The following ASH1L variants were observed in gnomAD, a reference collection of about 807,000 sequenced individuals.
The protein encoded by ASH1L is histone-lysine N-methyltransferase ASH1L.
In ASH1L, 23 loss-of-function variants were observed where a neutral mutation model predicts 269.0. The ratio of observed to expected loss-of-function variants is 0.09; its 90% CI spans 0.06 to 0.12. The LOEUF (loss-of-function observed/expected upper bound fraction) is 0.12, where lower values mean the gene tolerates loss of function less well. ASH1L is among the 10% of genes least tolerant of loss of function. The pLI is 1.00. For missense variants in ASH1L, 2,912 were observed against 3,567.8 expected (o/e 0.82, Z 4.68); for synonymous variants, 1,187 against 1,253.5 (o/e 0.95, Z 1.12).
At chr1:155,530,236 C>G (rs930193324) in intron 1 of ASH1L, among the ~76,000 whole-genome samples, 1 of 152,116 alleles carries the variant, frequency 6.6e-6, no homozygotes, top group Non-Finnish European at 1.5e-5. Context: ...CTCTTCTTAC[C>G]ACCTGGTGTA....
At chr1:155,369,994 C>G (rs971453690) in intron 12 of ASH1L, among the ~76,000 whole-genome samples, 1 of 152,178 alleles carries the variant, frequency 6.6e-6, no homozygotes, top group African/African-American at 2.4e-5. Context: ...GTCTCAAACT[C>G]TTGACCTCGT....
intron 10 of ASH1L, among the ~76,000 whole-genome samples, chr1:155,376,078 T>C (rs1656413004): frequency 6.6e-6 from 1 of 152,252 alleles, no homozygotes. Context: ...CACTCCAGCC[T>C]GGGCAACAGA....
intron 24 of ASH1L, chr1:155,342,987 T>A (rs1337074152): frequency 5.2e-6 from 1 of 193,512 alleles, no homozygotes; most frequent in African/African-American, 2.3e-5. Context: ...GGGTGGGCAA[T>A]GAACAGGAGA....
intron 2 of ASH1L, among the ~76,000 whole-genome samples, chr1:155,499,715 T>C (rs1204132722): frequency 6.6e-6 from 1 of 152,154 alleles, no homozygotes; most frequent in Non-Finnish European, 1.5e-5. Context: ...ATCATTAAAA[T>C]GAAATCAAAG....
At chr1:155,524,521 CAAAA>C (rs749990170) in intron 1 of ASH1L, among the ~76,000 whole-genome samples, 5 of 57,276 alleles carry the variant, frequency 8.7e-5, no homozygotes, top group Admixed American at 2.1e-4. Flanking sequence ...GACTCCGTCT[CAAAA>C]AAAAAAAAAA....
chr1:155,383,424 T>C (rs1044316096), intron 7 of ASH1L, among the ~76,000 whole-genome samples: 2 of 152,212 alleles, frequency 1.3e-5, no homozygotes, highest in Admixed American at 1.3e-4. Flanking sequence ...ATCCTTTATA[T>C]TGTATTTTTA....
chr1:155,358,456 C>A (rs893409113), intron 13 of ASH1L, among the ~76,000 whole-genome samples: 5 of 151,644 alleles, frequency 3.3e-5, no homozygotes, highest in Non-Finnish European at 5.9e-5. Flanking sequence ...GAGGCCAAGG[C>A]GGGCGGATCA....
intron 6 of ASH1L, among the ~76,000 whole-genome samples, chr1:155,413,652 C>T (rs1287487524): frequency 6.6e-6 from 1 of 152,026 alleles, no homozygotes; most frequent in Non-Finnish European, 1.5e-5. Context: ...AAGGAGCATG[C>T]TTTTCCTCCT....
rs1570932871 is a variant in ASH1L, at chr1:155,338,324, T to C, written c.8568A>G (p.Leu2856=). The change falls in exon 27 of 28, where the codon CTA becomes CTG. Residue 2856 remains leucine (L), a synonymous_variant. Transcript: ENST00000392403. ...LKDLGQEDDA[L]PLIEEVLASQ... Reference sequence around the variant, plus strand: ...TGGCTAGAACCTCTTCAATCAAGGGTAGAGCATCATCCTCCTGGCCCAAGT... The same window carrying C: ...TGGCTAGAACCTCTTCAATCAAGGGCAGAGCATCATCCTCCTGGCCCAAGT... 2 of 1,613,812 alleles carry C rather than the reference T, an allele frequency of 1.2e-6. No homozygotes were observed. Among genetic ancestry groups the C allele is most frequent in the South Asian group, 2.2e-5 (2 of 91,068 alleles).
In ASH1L at chr1:155,472,955, A is replaced by G. The variant is rs1036843210; in HGVS notation, c.4984+4931T>C. On this transcript the variant is annotated intron_variant, in intron 3 of 27. Coordinates refer to ENST00000392403, the MANE Select transcript of ASH1L (RefSeq NM_018489.3). The stretch of plus-strand genomic sequence containing the variant: ...TCACTCCCTATTCTCTCCCAAGGAA[A>G]ATATCATTACTCTCATGATTATACA... Among the ~76,000 whole-genome samples, 4 of 152,278 alleles carry G rather than the reference A, an allele frequency of 2.6e-5. No individual in the cohort carries two copies. In the South Asian group the frequency reaches 8.3e-4, roughly 32 times the overall value.
intron 4 of ASH1L, among the ~76,000 whole-genome samples, chr1:155,439,806 A>G (rs2148622782): frequency 6.6e-6 from 1 of 152,090 alleles, no homozygotes; most frequent in South Asian, 2.1e-4. Flanking sequence ...TTTCTTATCT[A>G]TATGACTTTT....
intron 2 of ASH1L, among the ~76,000 whole-genome samples, chr1:155,495,114 C>T (rs1013481950): frequency 6.6e-6 from 1 of 152,070 alleles, no homozygotes; most frequent in Non-Finnish European, 1.5e-5. Context: ...GAGCAAAAAC[C>T]TGGTTGAAAT....
intron 1 of ASH1L, among the ~76,000 whole-genome samples, chr1:155,557,301 C>T (rs982400849): frequency 6.6e-6 from 1 of 151,734 alleles, no homozygotes; most frequent in African/African-American, 2.4e-5. Context: ...CTCGCTCTGT[C>T]ACCCAGGCTG....
chr1:155,453,187 C>T (rs1415895087), intron 4 of ASH1L, among the ~76,000 whole-genome samples: 2 of 151,662 alleles, frequency 1.3e-5, no homozygotes, highest in Admixed American at 6.6e-5. Context: ...AAACCCTGTC[C>T]CTACTAAAAA....
intron 24 of ASH1L, among the ~76,000 whole-genome samples, chr1:155,342,373 G>A (rs1290903202): frequency 2.0e-5 from 3 of 152,188 alleles, no homozygotes; most frequent in African/African-American, 7.2e-5. Context: ...GTGTGAGGGA[G>A]TATTTTGAGG....
intron 6 of ASH1L, among the ~76,000 whole-genome samples, chr1:155,414,242 C>G (rs542490646): frequency 3.9e-5 from 6 of 152,240 alleles, no homozygotes; most frequent in Admixed American, 6.5e-5. Flanking sequence ...TTATCTTAAA[C>G]AAACCTATAC....
At chr1:155,386,384 A>T (rs951956039) in intron 7 of ASH1L, among the ~76,000 whole-genome samples, 2 of 149,450 alleles carry the variant, frequency 1.3e-5, no homozygotes, top group East Asian at 2.0e-4. Flanking sequence ...CTTTAAAAAA[A>T]TTTTATTATT....
At position 155,352,823 on chromosome 1, in the gene ASH1L, C is replaced by A. The variant is rs753396609; in HGVS notation, c.7249G>T (p.Ala2417Ser). ...FMTQFSALQT[A>S]RSVRTRRLAA... Reference sequence around the variant, plus strand: ...AACCGTCTTGTTCGAACAGATCGAGCTGTCTGCAGGGCAGAGAACTGGGTC... The same window carrying A: ...AACCGTCTTGTTCGAACAGATCGAGATGTCTGCAGGGCAGAGAACTGGGTC... Residue 2417 changes from alanine (A) to serine (S), a missense_variant, in exon 17 of 28, where the codon GCT (alanine) becomes TCT (serine). Around this residue, in one of 13 missense-constraint regions of ASH1L, gnomAD observed 309 missense variants for 435.1 expected, o/e 0.71. Coordinates refer to ENST00000392403, the MANE Select transcript of ASH1L (RefSeq NM_018489.3). The A allele has an allele frequency of 6.2e-7, 1 of 1,613,728 alleles. No individual in the cohort carries two copies. The highest frequency in any genetic ancestry group is 1.7e-5 in the Admixed American group (1 of 59,908).
chr1:155,335,354 G>A lies in ASH1L; in HGVS notation c.*2306C>T, dbSNP rs749609446. On this transcript the variant is annotated 3_prime_UTR_variant, in exon 28 of 28. Transcript: ENST00000392403. ...GCAATTACATCCAATGTTAAAATTG[G>A]TAATACATAATTTACAAAGATTAAC... 2.0e-5 allele frequency: 3 copies of A among 152,852 alleles called. No individual in the cohort carries two copies. Among genetic ancestry groups the A allele is most frequent in the South Asian group, 4.1e-4 (2 of 4,828 alleles). The allele number at this position is 152,852 out of a possible 1,614,324, so 9.5% of individuals were successfully genotyped here.
Sources: allele counts gnomAD v4.1 joint callset (sites outside exome capture counted in the v4.1 genomes callset), GRCh38; gene constraint gnomAD v4.1.1; regional missense constraint gnomAD v4.1.1; transcripts MANE v1.5; gene names NCBI Gene and HGNC (gene_info 2026-07-23, HGNC 2026-07-21).